The following NEGR1 variants were observed in gnomAD, a reference collection of about 807,000 sequenced individuals.
NEGR1 encodes IgLON family member 4.
A neutral mutation model predicts 40.9 loss-of-function variants in NEGR1; 10 were observed. That is an observed-to-expected ratio of 0.24 (90% CI 0.15 to 0.42). NEGR1 has a LOEUF of 0.42. Ranked by LOEUF, NEGR1 falls within the 10% of genes least tolerant of loss-of-function variation. NEGR1 has a pLI of 1.00. For missense variants in NEGR1, 352 were observed against 438.9 expected, an observed-to-expected ratio of 0.80 and a Z score of 1.77; for synonymous variants, 185 against 166.8, an observed-to-expected ratio of 1.11 and a Z score of -0.84.
chr1:72,074,480 G>A (rs1647629869), intron 1 of NEGR1, among the ~76,000 whole-genome samples: 1 of 151,780 alleles, frequency 6.6e-6, no homozygotes, highest in Non-Finnish European at 1.5e-5. Context: ...TGCTGTTCCA[G>A]GTTTTATCGG....
chr1:71,526,892 C>T (rs1040647151), intron 6 of NEGR1, among the ~76,000 whole-genome samples: 3 of 151,534 alleles, frequency 2.0e-5, no homozygotes, highest in Admixed American at 1.3e-4. Context: ...CCTCACTGCA[C>T]TTTCTGCTCA....
intron 4 of NEGR1, among the ~76,000 whole-genome samples, chr1:71,620,302 A>ACCTT (rs1242928808): frequency 6.6e-6 from 1 of 152,048 alleles, no homozygotes; most frequent in Non-Finnish European, 1.5e-5. Context: ...AACGCTGTGG[A>ACCTT]AAATAAGCAT....
chr1:71,636,830 A>C (rs1033038557), intron 4 of NEGR1, among the ~76,000 whole-genome samples: 1 of 152,028 alleles, frequency 6.6e-6, no homozygotes, highest in Non-Finnish European at 1.5e-5. Flanking sequence ...AGTGGTTCGA[A>C]ATGTTCTTGG....
chr1:71,609,332 G>A (rs1434869965), intron 5 of NEGR1, among the ~76,000 whole-genome samples: 1 of 151,086 alleles, frequency 6.6e-6, no homozygotes, highest in African/African-American at 2.4e-5. Context: ...TAGCTAACAT[G>A]GTGAAACCCT....
At chr1:72,104,707 T>C (rs1432169617) in intron 1 of NEGR1, among the ~76,000 whole-genome samples, 1 of 152,166 alleles carries the variant, frequency 6.6e-6, no homozygotes, top group Non-Finnish European at 1.5e-5. Flanking sequence ...TGATAGACTC[T>C]TGTAGGAGCC....
intron 2 of NEGR1, among the ~76,000 whole-genome samples, chr1:71,876,167 G>C (rs532221180): frequency 2.2e-4 from 33 of 151,972 alleles, no homozygotes; most frequent in Non-Finnish European, 4.4e-4. Flanking sequence ...CATAGTTCTT[G>C]TATATATTAT....
At chr1:71,495,487 A>G (rs1557545707) in intron 6 of NEGR1, among the ~76,000 whole-genome samples, 1 of 151,930 alleles carries the variant, frequency 6.6e-6, no homozygotes, top group Non-Finnish European at 1.5e-5. Context: ...GGAAAAAAAA[A>G]AAAAAAGAAA....
intron 2 of NEGR1, among the ~76,000 whole-genome samples, chr1:71,896,603 T>TA (rs1364855513): frequency 9.2e-5 from 14 of 152,312 alleles, no homozygotes; most frequent in African/African-American, 3.1e-4. Flanking sequence ...TTGTCAAATC[T>TA]AAAAAACCAT....
intron 1 of NEGR1, among the ~76,000 whole-genome samples, chr1:72,146,912 A>T (rs372338730): frequency 3.9e-5 from 6 of 152,184 alleles, no homozygotes; most frequent in African/African-American, 1.4e-4. Flanking sequence ...ATTTTGGGGA[A>T]GGTTGCATTT....
intron 2 of NEGR1, among the ~76,000 whole-genome samples, chr1:71,898,046 T>C (rs1371549496): frequency 6.6e-6 from 1 of 152,190 alleles, no homozygotes; most frequent in Non-Finnish European, 1.5e-5. Flanking sequence ...AGTATCACAG[T>C]TACTATTGTG....
intron 3 of NEGR1, among the ~76,000 whole-genome samples, chr1:71,740,680 T>C (rs1389244449): frequency 6.6e-6 from 1 of 152,166 alleles, no homozygotes; most frequent in African/African-American, 2.4e-5. Flanking sequence ...AGGGACTGTA[T>C]CATTGGTTTC....
intron 2 of NEGR1, among the ~76,000 whole-genome samples, chr1:71,901,391 A>G (rs899012876): frequency 6.6e-6 from 1 of 152,152 alleles, no homozygotes; most frequent in African/African-American, 2.4e-5. Flanking sequence ...TTTCTTCGCT[A>G]GAATGTAGGC....
chr1:72,052,749 A>G (rs1647074419), intron 1 of NEGR1, among the ~76,000 whole-genome samples: 1 of 151,490 alleles, frequency 6.6e-6, no homozygotes, highest in African/African-American at 2.4e-5. Context: ...AAAAATAGTG[A>G]AACATTTTAT....
intron 1 of NEGR1, among the ~76,000 whole-genome samples, chr1:72,062,683 A>G (rs1267967893): frequency 6.6e-6 from 1 of 151,944 alleles, no homozygotes; most frequent in East Asian, 1.9e-4. Flanking sequence ...TCTTGCTTGC[A>G]TATAGCTTTC....
At chr1:72,001,324 A>G (rs1204437444) in intron 1 of NEGR1, among the ~76,000 whole-genome samples, 1 of 152,002 alleles carries the variant, frequency 6.6e-6, no homozygotes, top group Non-Finnish European at 1.5e-5. Flanking sequence ...CCATGAGAGA[A>G]AGAACTTCAG....
chr1:72,121,494 T>G (rs1649804019), intron 1 of NEGR1, among the ~76,000 whole-genome samples: 1 of 151,908 alleles, frequency 6.6e-6, no homozygotes, highest in Non-Finnish European at 1.5e-5. Context: ...AGTCAACATC[T>G]CTTAAGAAGT....
At chr1:71,468,547 C>T (rs1646761117) in intron 6 of NEGR1, 1 of 151,828 alleles carries the variant, frequency 6.6e-6, no homozygotes, top group Admixed American at 6.6e-5. Flanking sequence ...TACTTCATTA[C>T]AGGGCACAAC....
intron 1 of NEGR1, among the ~76,000 whole-genome samples, chr1:72,260,465 C>T (rs1491001592): frequency 6.6e-6 from 1 of 152,064 alleles, no homozygotes; most frequent in African/African-American, 2.4e-5. Flanking sequence ...AGAATACACA[C>T]ATTTTATAAA....
At chr1:72,092,777 A>G (rs1648547622) in intron 1 of NEGR1, among the ~76,000 whole-genome samples, 1 of 151,896 alleles carries the variant, frequency 6.6e-6, no homozygotes, top group Non-Finnish European at 1.5e-5. Flanking sequence ...CAGCCTCCCA[A>G]GTGTCTGGGA....
Sources: allele counts gnomAD v4.1 joint callset (sites outside exome capture counted in the v4.1 genomes callset), GRCh38; gene constraint gnomAD v4.1.1; transcripts MANE v1.5; gene names NCBI Gene and HGNC (gene_info 2026-07-23, HGNC 2026-07-21).